The following EMC1 variants were observed in gnomAD, a reference collection of about 807,000 sequenced individuals.
The protein encoded by EMC1 is KIAA0090.
Under a neutral mutation model 128.8 loss-of-function variants are expected in EMC1, and 103 were observed. The observed-to-expected ratio is 0.80, with a 90% confidence interval of 0.68 to 0.94. The LOEUF (loss-of-function observed/expected upper bound fraction) is 0.94, where lower values mean the gene tolerates loss of function less well. EMC1 is among the 40% of genes least tolerant of loss of function. EMC1 has a pLI of 0.00. For missense variants in EMC1, 1,083 were observed against 1,250.6 expected, an observed-to-expected ratio of 0.87 and a Z score of 2.02; for synonymous variants, 442 against 490.4, an observed-to-expected ratio of 0.90 and a Z score of 1.30.
intron 1 of EMC1, among the ~76,000 whole-genome samples, chr1:19,247,671 G>C (rs1170086565): frequency 6.6e-6 from 1 of 152,180 alleles, no homozygotes; most frequent in African/African-American, 2.4e-5. Flanking sequence ...TATGGTTAGA[G>C]TACTCCTTCT....
intron 18 of EMC1, among the ~76,000 whole-genome samples, chr1:19,225,144 G>A (rs1400344504): frequency 6.6e-6 from 1 of 152,140 alleles, no homozygotes; most frequent in Non-Finnish European, 1.5e-5. Context: ...GCCTCACGAG[G>A]TCAGGAAGTT....
chr1:19,221,253 G>A (rs1217727924), intron 20 of EMC1: 1 of 161,864 alleles, frequency 6.2e-6, no homozygotes, highest in African/African-American at 2.4e-5. Context: ...GGGAAGACTG[G>A]AGGACCAGGC....
At chr1:19,235,341 G>T in intron 12 of EMC1, 89 bp from the exon 13 acceptor site, 1 of 1,396,174 alleles carries the variant, frequency 7.2e-7, no homozygotes, top group Non-Finnish European at 9.7e-7. Flanking sequence ...GCCAAGGTGG[G>T]TGAATCTCTT....
chr1:19,237,880 T>C, intron 11 of EMC1, 137 bp downstream of exon 11: 2 of 1,108,900 alleles, frequency 1.8e-6, no homozygotes, highest in Non-Finnish European at 2.5e-6. Flanking sequence ...TTCTAACAAG[T>C]CAGTGGCTCA....
rs181729120 is a variant in EMC1 at position 19,226,532 on chromosome 1, C to T, written c.2202+781G>A. Among the ~76,000 whole-genome samples, 847 of 151,954 alleles carry T rather than the reference C, an allele frequency of 5.6e-3. 4 individuals are homozygous for T. Among genetic ancestry groups the T allele is most frequent in the Non-Finnish European group, 9.0e-3 (609 of 67,958 alleles). On this transcript the variant is annotated intron_variant, in intron 18 of 22. Coordinates refer to ENST00000477853, the MANE Select transcript of EMC1 (RefSeq NM_015047.3). The stretch of plus-strand genomic sequence containing the variant: ...TTCCTAGGTTGATCTCTATCTTCTA[C>T]AAAAATAAAAAATTTAAAAAAAATT...
chr1:19,228,483 C>G (rs1450421229), intron 17 of EMC1, among the ~76,000 whole-genome samples: 4 of 151,960 alleles, frequency 2.6e-5, no homozygotes, highest in African/African-American at 9.7e-5. Context: ...ATGCGGAGCC[C>G]TTGGGGGTGG....
At chr1:19,221,124 A>AT in intron 20 of EMC1, 1 of 255,482 alleles carries the variant, frequency 3.9e-6, no homozygotes, top group Non-Finnish European at 7.5e-6. Context: ...AAAATGTAGA[A>AT]GGCCACTTGG....
chr1:19,239,677 C>G (rs1189553450), intron 8 of EMC1, 141 bp downstream of exon 8: 2 of 793,810 alleles, frequency 2.5e-6, no homozygotes, highest in Admixed American at 2.7e-5. Context: ...GCTACCTACC[C>G]CCTCTCAAAC....
At position 19,227,561 on chromosome 1, in the gene EMC1, A is replaced by C. The variant is rs564242200; in HGVS notation, c.2065-111T>G. 15 of 1,304,076 alleles carry C rather than the reference A, an allele frequency of 1.2e-5. No individual in the cohort carries two copies. In the African/African-American group the frequency reaches 1.6e-4, roughly 14 times the overall value. 80.8% of individuals were successfully genotyped at this position (1,304,076 alleles called of 1,614,324 possible). A position where few individuals can be genotyped will look rare whatever the true frequency, so the allele number is the denominator to read the frequency against. On this transcript the variant is annotated intron_variant, in intron 17 of 22. Coordinates refer to ENST00000477853, the MANE Select transcript of EMC1 (RefSeq NM_015047.3). ...ATTTGAGGCCTTTGTGCAGGAAGGAATAGAGATCAGAACTAGAAAAATGAG... is the reference window on the plus strand; with the variant it reads ...ATTTGAGGCCTTTGTGCAGGAAGGACTAGAGATCAGAACTAGAAAAATGAG...
chr1:19,234,036 A>G (rs1432639777), intron 13 of EMC1: 3 of 208,258 alleles, frequency 1.4e-5, no homozygotes, highest in Admixed American at 6.5e-5. Context: ...CAACAGGACA[A>G]CTCACAAGCA....
chr1:19,232,738 C>T lies in EMC1; in HGVS notation c.1668G>A (p.Leu556=), dbSNP rs766968200. The change falls in exon 15 of 23, where the codon CTG becomes CTA. Residue 556 remains leucine (L), a synonymous_variant. Transcript: ENST00000477853. ...FGIESSSGTI[L]WKQYLPNVKP... ...TGACATTGGGTAGATACTGTTTCCA[C>T]AGGATGGTGCCAGAGCTGCTCTCAA... is the stretch of plus-strand genomic sequence containing the variant. 1.1e-5 allele frequency: 18 copies of T among 1,614,174 alleles called. 1 individual carries two copies. The South Asian group carries it at 2.0e-4, about 18-fold the overall frequency.
rs1286789501 is a variant in EMC1 at position 19,216,533 on chromosome 1, C to CA, written c.*2769dup. 6.6e-6 allele frequency: 1 copy of CA among 151,898 alleles called. No individual in the cohort carries two copies. Among genetic ancestry groups the CA allele is most frequent in the Non-Finnish European group, 1.5e-5 (1 of 67,992 alleles). The allele number at this position is 151,898 out of a possible 1,614,324, so 9.4% of individuals were successfully genotyped here. On this transcript the variant is annotated 3_prime_UTR_variant, in exon 23 of 23. Transcript: ENST00000477853. ...AGTATATGTACCTAATATGTACCCA[C>CA]AAAAAATTTAAATAAAAAACTTTAA...
At chr1:19,223,967 C>A (rs2093451701) in intron 18 of EMC1, among the ~76,000 whole-genome samples, 1 of 152,194 alleles carries the variant, frequency 6.6e-6, no homozygotes, top group African/African-American at 2.4e-5. Flanking sequence ...TCACCACCCC[C>A]CTCCCCATCG....
In EMC1 at chr1:19,235,269, T is replaced by G. The variant is rs202100178; in HGVS notation, c.1310-17A>C. 45 of 1,607,910 alleles carry G rather than the reference T, an allele frequency of 2.8e-5. No homozygotes were observed. In the Admixed American group the frequency reaches 4.9e-4, roughly 17 times the overall value. On this transcript the variant is annotated splice_polypyrimidine_tract_variant and intron_variant, in intron 12 of 22. Transcript: ENST00000477853. ...CCTTCCCTGCTACAGGAAACATTTT[T>G]ACAAAGCTAAGCCTGGGGCTGGGCA...
chr1:19,235,080 C>T (rs1355295127), intron 13 of EMC1, 50 bp downstream of exon 13: 2 of 1,596,600 alleles, frequency 1.3e-6, no homozygotes, highest in Admixed American at 1.7e-5. Flanking sequence ...TGGTCATTTC[C>T]AGACTGGCCC....
chr1:19,243,587 C>G (rs776312373), intron 4 of EMC1, 27 bp downstream of exon 4: 2 of 1,591,446 alleles, frequency 1.3e-6, no homozygotes, highest in East Asian at 2.2e-5. Context: ...TTAACTCAGT[C>G]AAGATAAAAT....
chr1:19,218,496 G>C lies in EMC1; in HGVS notation c.*807C>G, dbSNP rs746807170. On this transcript the variant is annotated 3_prime_UTR_variant, in exon 23 of 23. Coordinates refer to ENST00000477853, the MANE Select transcript of EMC1 (RefSeq NM_015047.3). ...TTAGACCAGCCTGTGGGTGAAATGA[G>C]AGATTATCTCTTCTCCCTGGAAATG... 5.3e-5 allele frequency: 8 copies of C among 152,178 alleles called. No individual in the cohort carries two copies. The highest frequency in any genetic ancestry group is 8.8e-5 in the Non-Finnish European group (6 of 68,040). The allele number at this position is 152,178 out of a possible 1,614,324, so 9.4% of individuals were successfully genotyped here.
In EMC1 at chr1:19,241,830, C is replaced by T. The variant is rs912844601; in HGVS notation, c.509+515G>A. ...CCAGAATTTGAAGTTTTGAGTCCTG[C>T]TCTAAACTTTGAAAATGGCCACAGG... On this transcript the variant is annotated intron_variant, in intron 5 of 22. Transcript: ENST00000477853. Among the ~76,000 whole-genome samples the T allele has an allele frequency of 2.0e-5, 3 of 152,300 alleles. No individual in the cohort carries two copies. In the East Asian group the frequency reaches 5.8e-4, roughly 29 times the overall value.
At chr1:19,219,732 C>T (rs1360008447) in intron 21 of EMC1, 34 bp from the exon 22 acceptor site, 1 of 1,613,476 alleles carries the variant, frequency 6.2e-7, no homozygotes, top group Admixed American at 1.7e-5. Context: ...GCAGTCTGAG[C>T]ACTGCTGTAA....
Sources: gnomAD v4.1 joint callset for allele counts (sites outside exome capture counted in the v4.1 genomes callset) on GRCh38, gnomAD v4.1.1 for gene constraint, MANE v1.5 for transcripts, NCBI Gene and HGNC (gene_info 2026-07-23, HGNC 2026-07-21) for gene names.